The following LARP1B variants were observed in gnomAD, a reference collection of about 807,000 sequenced individuals.
LARP1B encodes La ribonucleoprotein 1B.
A neutral mutation model predicts 114.2 loss-of-function variants in LARP1B; 76 were observed. The observed-to-expected ratio is 0.67, with a 90% CI of 0.55 to 0.81. The LOEUF (loss-of-function observed/expected upper bound fraction) is 0.81, where lower values mean the gene tolerates loss of function less well. Among genes scored for constraint, LARP1B ranks in the 30% least tolerant of loss-of-function variants. LARP1B has a pLI of 0.00. For missense variants in LARP1B, 1,014 were observed against 1,075.8 expected, an observed-to-expected ratio of 0.94 and a Z score of 0.80; for synonymous variants, 345 against 348.0, an observed-to-expected ratio of 0.99 and a Z score of 0.10.
At chr4:128,156,853 G>A (rs975788773) in intron 11 of LARP1B, among the ~76,000 whole-genome samples, 1 of 118,374 alleles carries the variant, frequency 8.4e-6, no homozygotes, top group African/African-American at 3.3e-5. Flanking sequence ...TGGAATAAAA[G>A]GCTTGAAGCT....
At chr4:128,162,417 C>A in intron 12 of LARP1B, 100 bp downstream of exon 12, 2 of 1,072,046 alleles carry the variant, frequency 1.9e-6, no homozygotes, top group Non-Finnish European at 2.7e-6. Context: ...TGTGGAAAAT[C>A]ATTAGGTAAA....
At chr4:128,166,946 C>G (rs1352916282) in intron 12 of LARP1B, among the ~76,000 whole-genome samples, 6 of 104,610 alleles carry the variant, frequency 5.7e-5, no homozygotes, top group Non-Finnish European at 1.2e-4. Context: ...CTCTCTCTCT[C>G]TCTCTCTCTC....
intron 11 of LARP1B, among the ~76,000 whole-genome samples, chr4:128,157,136 G>A (rs1736154158): frequency 6.6e-6 from 1 of 151,874 alleles, no homozygotes; most frequent in Admixed American, 6.6e-5. Flanking sequence ...TTTTTAATAA[G>A]TTAAAAAATA....
At chr4:128,091,889 G>C (rs892142177) in intron 7 of LARP1B, among the ~76,000 whole-genome samples, 2 of 152,146 alleles carry the variant, frequency 1.3e-5, no homozygotes, top group African/African-American at 2.4e-5. Context: ...GAGCCACCAT[G>C]CCTGGCTGTT....
downstream of LARP1B, among the ~76,000 whole-genome samples, chr4:128,216,808 A>G (rs1420447271): frequency 1.3e-5 from 2 of 152,220 alleles, no homozygotes; most frequent in Admixed American, 6.5e-5. Context: ...GCAGAACTGA[A>G]GGAAATAGAG....
intron 8 of LARP1B, among the ~76,000 whole-genome samples, chr4:128,098,774 T>A (rs1418289741): frequency 0.025 from 1,336 of 53,290 alleles, 24 homozygotes; most frequent in African/African-American, 0.032. Context: ...TATATTTTTT[T>A]TTTTTTTTTT....
downstream of LARP1B, among the ~76,000 whole-genome samples, chr4:128,214,540 C>A (rs1401125294): frequency 6.6e-6 from 1 of 152,014 alleles, no homozygotes; most frequent in African/African-American, 2.4e-5. Context: ...CACACTGACA[C>A]CTCACACGGC....
At chr4:128,153,491 A>G (rs945941045) in intron 11 of LARP1B, among the ~76,000 whole-genome samples, 19 of 151,984 alleles carry the variant, frequency 1.3e-4, no homozygotes, top group Admixed American at 7.2e-4. Context: ...CTTTTAGTAG[A>G]GATGGGGTTT....
At position 128,122,174 on chromosome 4, in the gene LARP1B, C is replaced by T. The variant is rs35810613; in HGVS notation, c.1510C>T (p.His504Tyr). 1,633 of 1,613,854 alleles carry T rather than the reference C, an allele frequency of 1.0e-3. 21 individuals carry two copies. In the African/African-American group the frequency reaches 0.02, roughly 20 times the overall value. The change falls in exon 11 of 20, where the codon CAC (histidine) becomes TAC (tyrosine). Residue 504 changes from histidine to tyrosine, a missense_variant. Coordinates refer to ENST00000326639, the MANE Select transcript of LARP1B (RefSeq NM_018078.4). ...DLWMEEDENK[H>Y]TAIKQEVENF... The stretch of plus-strand genomic sequence containing the variant: ...ATGGATGGAAGAAGATGAAAACAAA[C>T]ACACAGCCATAAAGGTAATTGTTTC...
intron 14 of LARP1B, among the ~76,000 whole-genome samples, chr4:128,179,013 G>T (rs1028645560): frequency 3.3e-5 from 5 of 152,106 alleles, no homozygotes; most frequent in Admixed American, 2.0e-4. Context: ...GATTGCTTGA[G>T]CCTGTAGGGG....
At chr4:128,150,104 T>C (rs1448037695) in intron 11 of LARP1B, among the ~76,000 whole-genome samples, 1 of 151,994 alleles carries the variant, frequency 6.6e-6, no homozygotes, top group Admixed American at 6.6e-5. Context: ...TGAGCCGAGA[T>C]CGTGCCACTG....
chr4:128,120,803 ATTTTT>A (rs56253884), intron 10 of LARP1B, among the ~76,000 whole-genome samples: 2 of 128,952 alleles, frequency 1.6e-5, no homozygotes, highest in Admixed American at 1.6e-4. Flanking sequence ...GGGGTAGACA[ATTTTT>A]TTTTTTTTTT....
chr4:128,125,957 A>G (rs569218048), intron 11 of LARP1B, among the ~76,000 whole-genome samples: 7 of 152,250 alleles, frequency 4.6e-5, no homozygotes, highest in African/African-American at 1.4e-4. Context: ...TTTTTTGTGT[A>G]TGAAAATATT....
At chr4:128,168,685 T>A (rs1742205485) in intron 12 of LARP1B, among the ~76,000 whole-genome samples, 1 of 152,114 alleles carries the variant, frequency 6.6e-6, no homozygotes, top group South Asian at 2.1e-4. Context: ...ATTTAGTTAT[T>A]ATATTATCCT....
At chr4:128,219,984 C>T (rs1759877353) in intron 6 of LARP1B, among the ~76,000 whole-genome samples, 1 of 152,280 alleles carries the variant, frequency 6.6e-6, no homozygotes, top group East Asian at 1.9e-4. Flanking sequence ...CTACCAGGTT[C>T]AAGCGATTCT....
rs1561010379 is a variant in LARP1B, at chr4:128,065,269, C to CAA, written c.-78+3868_-78+3869insAA. 3.5e-3 allele frequency among the ~76,000 whole-genome samples: 355 copies of CAA among 100,574 alleles called. 7 individuals are homozygous for CAA. The highest frequency in any genetic ancestry group is 0.011 in the African/African-American group (322 of 29,236). The allele number at this position is 100,574 out of a possible 152,430, so 66.0% of individuals were successfully genotyped here. Reference sequence around the variant, plus strand: ...CCACAATTAATTTCTTTCTTTCTTTCTTTCTTTCTTTCTTTCTTTCTTTCT... The same window carrying CAA: ...CCACAATTAATTTCTTTCTTTCTTTCAATTTCTTTCTTTCTTTCTTTCTTTCT... On this transcript the variant is annotated intron_variant, in intron 1 of 19. Coordinates refer to ENST00000326639, the MANE Select transcript of LARP1B (RefSeq NM_018078.4).
chr4:128,086,773 T>A (rs1477798099), intron 5 of LARP1B, among the ~76,000 whole-genome samples: 1 of 152,152 alleles, frequency 6.6e-6, no homozygotes, highest in Non-Finnish European at 1.5e-5. Context: ...GCTCAGGTGT[T>A]AGGTTGATCA....
chr4:128,062,259 G>T, intron 1 of LARP1B: 1 of 985,454 alleles, frequency 1.0e-6, no homozygotes, highest in South Asian at 4.7e-5. Flanking sequence ...CAGGGTGCGG[G>T]CAGGGGCGAC....
rs147554214 is a variant in LARP1B, at chr4:128,086,164, C to T, written c.358+3859C>T. On this transcript the variant is annotated intron_variant, in intron 5 of 19. Coordinates refer to ENST00000326639, the MANE Select transcript of LARP1B (RefSeq NM_018078.4). The stretch of plus-strand genomic sequence containing the variant: ...GACTACAAGCACCTGCCAGCACGCC[C>T]GGCTATTTTTTTTGTAGTTTTTAGT... Among the ~76,000 whole-genome samples the T allele has an allele frequency of 5.1e-4, 78 of 151,828 alleles. No homozygotes were observed. In the East Asian group the frequency reaches 5.4e-3, roughly 11 times the overall value.
Sources: gnomAD v4.1 joint callset for allele counts (sites outside exome capture counted in the v4.1 genomes callset) on GRCh38, gnomAD v4.1.1 for gene constraint, MANE v1.5 for transcripts, NCBI Gene and HGNC (gene_info 2026-07-23, HGNC 2026-07-21) for gene names.